The following CNBD2 variants were observed in gnomAD, a reference collection of about 807,000 sequenced individuals.
CNBD2 encodes the protein cyclic nucleotide-binding domain-containing protein 2.
CNBD2 carries 64 observed loss-of-function variants against 63.7 expected under a neutral mutation model. The ratio of observed to expected loss-of-function variants is 1.00; its 90% CI spans 0.82 to 1.24. CNBD2 has a LOEUF of 1.24. Among genes scored for constraint, CNBD2 ranks in the 50% most tolerant of loss-of-function variants. The pLI is 0.00. For missense variants in CNBD2, 691 were observed against 713.5 expected (o/e 0.97, Z 0.36); for synonymous variants, 229 against 255.4 (o/e 0.90, Z 0.99).
chr20:35,995,174 G>A (rs1242571057), intron 8 of CNBD2, 22 bp downstream of exon 8: 2 of 1,540,632 alleles, frequency 1.3e-6, no homozygotes, highest in Admixed American at 1.7e-5. Flanking sequence ...TGGCCTGTCT[G>A]ACAGCAGGGG....
chr20:35,968,754 A>T lies in CNBD2; in HGVS notation c.-9A>T. On this transcript the variant is annotated 5_prime_UTR_variant, in exon 1 of 12. Transcript: ENST00000373973. ...GGGGCTAGTTGTGCCATTTGCCTGC[A>T]CAGGAACCATGAGGAGACATATGGT... 1 of 1,606,712 alleles carries T rather than the reference A, an allele frequency of 6.2e-7. No homozygotes were observed. The highest frequency in any genetic ancestry group is 8.5e-7 in the Non-Finnish European group (1 of 1,177,204).
At chr20:36,007,851 G>A (rs2057005531) in intron 8 of CNBD2, among the ~76,000 whole-genome samples, 1 of 152,138 alleles carries the variant, frequency 6.6e-6, no homozygotes, top group South Asian at 2.1e-4. Context: ...CTATGAGAGG[G>A]CTCTGATGCT....
At chr20:35,994,818 G>A (rs998963256) in intron 7 of CNBD2, among the ~76,000 whole-genome samples, 1 of 152,080 alleles carries the variant, frequency 6.6e-6, no homozygotes, top group Non-Finnish European at 1.5e-5. Context: ...GAACTCAGGA[G>A]GCAGAGGTTG....
At chr20:36,014,277 C>A (rs1363839105) in intron 10 of CNBD2, among the ~76,000 whole-genome samples, 3 of 151,552 alleles carry the variant, frequency 2.0e-5, no homozygotes, top group Non-Finnish European at 4.4e-5. Context: ...TGTTACCCTT[C>A]CAGCAATGAG....
At chr20:35,954,507 A>C, upstream of CNBD2, 1 of 1,534,778 alleles carries the variant, frequency 6.5e-7, no homozygotes, top group Non-Finnish European at 8.8e-7. Flanking sequence ...CTCTGCGTCC[A>C]GGTCGGCGCG....
At chr20:35,959,372 G>A (rs1365164572), downstream of CNBD2, 1 of 152,182 alleles carries the variant, frequency 6.6e-6, no homozygotes, top group East Asian at 1.9e-4. Flanking sequence ...ACATACCCAA[G>A]ACTGGGTAAT....
At chr20:36,007,747 TCC>T (rs777751022) in intron 8 of CNBD2, among the ~76,000 whole-genome samples, 21 of 152,164 alleles carry the variant, frequency 1.4e-4, no homozygotes, top group Non-Finnish European at 2.8e-4. Flanking sequence ...GGTCTTGAAC[TCC>T]TGGGCTCAAG....
At chr20:36,028,685 G>GA (rs765033361) in intron 11 of CNBD2, among the ~76,000 whole-genome samples, 1 of 140,116 alleles carries the variant, frequency 7.1e-6, no homozygotes, top group Non-Finnish European at 1.5e-5. Flanking sequence ...TCACGGGCTG[G>GA]TTTTTTTTGG....
At chr20:35,960,816 CCCTTCCCTTCCCT>C in intron 2 of CNBD2, among the ~76,000 whole-genome samples, 1 of 141,444 alleles carries the variant, frequency 7.1e-6, no homozygotes, top group Non-Finnish European at 1.5e-5. Flanking sequence ...CTCTTCCCTT[CCCTTCCCTTCCCT>C]TCTCTTCCCT....
intron 10 of CNBD2, among the ~76,000 whole-genome samples, chr20:36,016,978 G>A (rs1480642288): frequency 1.3e-5 from 2 of 150,450 alleles, no homozygotes; most frequent in Non-Finnish European, 3.0e-5. Flanking sequence ...AGGATTGCTT[G>A]ACCCTGTGAA....
At chr20:35,988,698 A>G (rs1000758651) in intron 7 of CNBD2, among the ~76,000 whole-genome samples, 3 of 152,048 alleles carry the variant, frequency 2.0e-5, no homozygotes, top group African/African-American at 7.2e-5. Flanking sequence ...ATTGGACTCA[A>G]CTCTCAGTAT....
At chr20:35,954,389 G>A, upstream of CNBD2, 1 of 1,566,026 alleles carries the variant, frequency 6.4e-7, no homozygotes, top group Non-Finnish European at 8.7e-7. Context: ...AAAGGGCAGA[G>A]CTCGCGTCAC....
intron 10 of CNBD2, among the ~76,000 whole-genome samples, chr20:36,015,505 G>C (rs574478994): frequency 2.0e-5 from 3 of 152,098 alleles, no homozygotes; most frequent in Admixed American, 1.3e-4. Context: ...AAGGAACAAG[G>C]GCTCTTTGGA....
intron 3 of CNBD2, 125 bp downstream of exon 3, chr20:35,976,127 C>A: frequency 3.7e-6 from 3 of 802,614 alleles, no homozygotes; most frequent in African/African-American, 1.7e-5. Context: ...CAGCTTGTCA[C>A]CCTGGGTTGG....
At chr20:35,965,828 C>G (rs2056341381), upstream of CNBD2, among the ~76,000 whole-genome samples, 1 of 152,160 alleles carries the variant, frequency 6.6e-6, no homozygotes, top group African/African-American at 2.4e-5. Context: ...ATTCATAGCT[C>G]TCCAAACTTC....
At chr20:35,984,804 T>G in intron 6 of CNBD2, 26 bp downstream of exon 6, 1 of 1,613,160 alleles carries the variant, frequency 6.2e-7, no homozygotes, top group Non-Finnish European at 8.5e-7. Flanking sequence ...TTCAACATTT[T>G]TTTCCCCTTG....
chr20:36,013,041 A>G (rs547508506), intron 10 of CNBD2, among the ~76,000 whole-genome samples: 8 of 152,256 alleles, frequency 5.3e-5, no homozygotes, highest in African/African-American at 1.9e-4. Flanking sequence ...TGGTACTGTA[A>G]TGGTGGATAC....
chr20:36,011,886 A>G (rs1369455615), intron 10 of CNBD2, among the ~76,000 whole-genome samples: 1 of 152,150 alleles, frequency 6.6e-6, no homozygotes, highest in Non-Finnish European at 1.5e-5. Context: ...AAAACACAAT[A>G]CCAGCTGGGC....
chr20:35,983,842 T>C, intron 4 of CNBD2, 140 bp from the exon 5 acceptor site: 1 of 873,118 alleles, frequency 1.1e-6, no homozygotes, highest in Non-Finnish European at 1.8e-6. Flanking sequence ...CTGGCAGGGC[T>C]GGGCTGTCCT....
Sources: gnomAD v4.1 joint callset for allele counts (sites outside exome capture counted in the v4.1 genomes callset) on GRCh38, gnomAD v4.1.1 for gene constraint, MANE v1.5 for transcripts, NCBI Gene and HGNC (gene_info 2026-07-23, HGNC 2026-07-21) for gene names.